Variants in STARD13 observed in about 807,000 individuals in gnomAD.
STARD13 encodes stAR-related lipid transfer protein 13.
In STARD13, 62 loss-of-function variants were observed where a neutral mutation model predicts 106.4. The ratio of observed to expected loss-of-function variants is 0.58; its 90% CI spans 0.48 to 0.72. The LOEUF (loss-of-function observed/expected upper bound fraction) is 0.72. Among genes scored for constraint, STARD13 ranks in the 30% least tolerant of loss-of-function variants. The pLI, the probability that STARD13 is intolerant of heterozygous loss-of-function variation, is 0.00. For missense variants in STARD13, 1,387 were observed against 1,424.0 expected (o/e 0.97, Z 0.42); for synonymous variants, 565 against 553.0 (o/e 1.02, Z -0.31).
intron 7 of STARD13, among the ~76,000 whole-genome samples, chr13:33,120,202 A>C (rs1876053966): frequency 6.6e-6 from 1 of 152,266 alleles, no homozygotes; most frequent in Non-Finnish European, 1.5e-5. Flanking sequence ...AATGTTGATC[A>C]GGATCTACAA....
rs767556178 is a variant in STARD13 at position 33,118,181 on chromosome 13, T to C, written c.2165A>G (p.Asn722Ser). ...ATCATAAGCAGACTGGTCTTCATAG[T>C]TGACGTTCTCAGGGAAGTTTTCATT... ...QMNENFPENVNYEDQSAYDVA... is the reference protein window; with the variant it reads ...QMNENFPENVSYEDQSAYDVA... Residue 722 changes from asparagine (N) to serine (S), a missense_variant, in exon 8 of 14, where the codon AAC becomes AGC. Coordinates refer to ENST00000336934, the MANE Select transcript of STARD13 (RefSeq NM_178006.4). 7.4e-6 allele frequency: 12 copies of C among 1,614,118 alleles called. No individual in the cohort carries two copies. The highest frequency in any genetic ancestry group is 4.4e-5 in the South Asian group (4 of 91,090).
At chr13:33,145,305 C>T (rs1880378599) in intron 3 of STARD13, among the ~76,000 whole-genome samples, 1 of 152,166 alleles carries the variant, frequency 6.6e-6, no homozygotes, top group African/African-American at 2.4e-5. Context: ...CATAACGAGA[C>T]ACCACTACAC....
intron 1 of STARD13, among the ~76,000 whole-genome samples, chr13:33,330,263 T>C (rs2077821633): frequency 6.6e-6 from 1 of 152,208 alleles, no homozygotes; most frequent in African/African-American, 2.4e-5. Flanking sequence ...TTGCTATCTT[T>C]TATCTTTTTT....
At chr13:33,426,631 A>G in the STARD13 span, among the ~76,000 whole-genome samples, 1 of 152,220 alleles carries the variant, frequency 6.6e-6, no homozygotes, top group Non-Finnish European at 1.5e-5. Context: ...ATTGTCATTT[A>G]ATTATAAATT....
At chr13:33,189,919 A>G (rs958808038) in intron 1 of STARD13, among the ~76,000 whole-genome samples, 1 of 152,056 alleles carries the variant, frequency 6.6e-6, no homozygotes, top group Non-Finnish European at 1.5e-5. Flanking sequence ...CATTTTATAT[A>G]CTATTGTAAA....
chr13:33,117,430 C>G (rs1232433319), intron 8 of STARD13: 1 of 195,782 alleles, frequency 5.1e-6, no homozygotes, highest in Admixed American at 6.5e-5. Context: ...ATTTCTAATA[C>G]CCCCATTGCA....
chr13:33,326,575 C>T (rs921945096), intron 1 of STARD13, among the ~76,000 whole-genome samples: 4 of 152,180 alleles, frequency 2.6e-5, no homozygotes, highest in Non-Finnish European at 4.4e-5. Context: ...GGGGTTCACA[C>T]ATCAACAGCC....
intron 12 of STARD13, 140 bp from the exon 13 acceptor site, chr13:33,107,074 A>T: frequency 2.7e-6 from 2 of 733,982 alleles, no homozygotes; most frequent in Non-Finnish European, 4.4e-6. Context: ...GATTAAGCTA[A>T]TGGCTTTCAT....
chr13:33,205,132 A>G (rs1230349748), intron 1 of STARD13, among the ~76,000 whole-genome samples: 1 of 152,204 alleles, frequency 6.6e-6, no homozygotes, highest in East Asian at 1.9e-4. Flanking sequence ...ACTTAGATGT[A>G]ACATACAATT....
Position 33,130,051 on chromosome 13 carries a change from C to A in STARD13, c.626G>T (p.Arg209Leu). The A allele has an allele frequency of 6.2e-7, 1 of 1,613,590 alleles. No homozygotes were observed. Among genetic ancestry groups the A allele is most frequent in the South Asian group, 1.1e-5 (1 of 91,050 alleles). ...HSESSGGSDS[R>L]SQPGQCCTDN... The stretch of plus-strand genomic sequence containing the variant: ...TGTACAGCACTGGCCCGGCTGGCTG[C>A]GACTGTCGCTGCCTCCACTGCTTTC... Residue 209 changes from arginine (R) to leucine (L), a missense_variant, in exon 5 of 14, where the codon CGC becomes CTC. Coordinates refer to ENST00000336934, the MANE Select transcript of STARD13 (RefSeq NM_178006.4). The surrounding 1 kb of genome is among the most constrained non-coding windows in gnomAD (Gnocchi z 4.1).
chr13:33,117,399 C>G (rs1282791370), intron 8 of STARD13: 1 of 168,924 alleles, frequency 5.9e-6, no homozygotes. Context: ...GCGTGAGCCA[C>G]CATGCCCAGC....
chr13:33,324,642 C>T (rs1271126643), intron 1 of STARD13, among the ~76,000 whole-genome samples: 5 of 152,140 alleles, frequency 3.3e-5, no homozygotes, highest in Non-Finnish European at 7.4e-5. Context: ...TTTCTATCCC[C>T]CCAATGGACT....
the STARD13 span, among the ~76,000 whole-genome samples, chr13:33,485,827 C>G: frequency 6.6e-6 from 1 of 152,148 alleles, no homozygotes; most frequent in African/African-American, 2.4e-5. Flanking sequence ...TACAACCTTT[C>G]AATTTCAAAT....
the STARD13 span, among the ~76,000 whole-genome samples, chr13:33,632,814 C>CT: frequency 0.013 from 1,879 of 142,548 alleles, 40 homozygotes; most frequent in African/African-American, 0.039. Flanking sequence ...GTTCTATATT[C>CT]TTTTTTTTTT....
the STARD13 span, among the ~76,000 whole-genome samples, chr13:33,425,518 A>C: frequency 1.3e-5 from 2 of 152,124 alleles, no homozygotes; most frequent in Non-Finnish European, 2.9e-5. Flanking sequence ...GAGGAGGTAC[A>C]TTTTTGTTTA....
chr13:33,528,167 TATTATA>T, the STARD13 span, among the ~76,000 whole-genome samples: 1 of 131,220 alleles, frequency 7.6e-6, no homozygotes, highest in East Asian at 2.0e-4. Context: ...GCTAAGCTAA[TATTATA>T]TATATATATA....
At position 33,229,241 on chromosome 13, in the gene STARD13, TC is replaced by T. The variant is rs1888780982; in HGVS notation, c.169+56228del. On this transcript the variant is annotated intron_variant, in intron 1 of 13. Transcript: ENST00000336934. ...AAGGCAGATGGGCTGAAAAGGGACT[TC>T]CTAAATAGCGACTCCATGGAAGTAA... Among the ~76,000 whole-genome samples the T allele has an allele frequency of 2.0e-5, 3 of 152,174 alleles. 1 individual carries two copies. The highest frequency in any genetic ancestry group is 4.2e-4 in the South Asian group (2 of 4,804).
the STARD13 span, among the ~76,000 whole-genome samples, chr13:33,574,513 A>AT: frequency 1.3e-5 from 2 of 152,294 alleles, no homozygotes; most frequent in South Asian, 4.1e-4. Context: ...AGGTGGGAGG[A>AT]TTACTTGAGC....
the STARD13 span, among the ~76,000 whole-genome samples, chr13:33,621,091 A>T: frequency 2.6e-5 from 4 of 151,964 alleles, no homozygotes; most frequent in African/African-American, 9.7e-5. Flanking sequence ...AGAGCAAACT[A>T]AACTTAAAGT....
Sources: gnomAD v4.1 joint callset for allele counts (sites outside exome capture counted in the v4.1 genomes callset) on GRCh38, gnomAD v4.1.1 for gene constraint, Gnocchi (gnomAD v3.1) non-coding constraint, MANE v1.5 for transcripts, NCBI Gene and HGNC (gene_info 2026-07-23, HGNC 2026-07-21) for gene names.